The following EFNA5 variants were observed in gnomAD, a reference collection of about 807,000 sequenced individuals.
The protein encoded by EFNA5 is ephrin A5.
Under a neutral mutation model 22.9 loss-of-function variants are expected in EFNA5, and 5 were observed. The observed-to-expected ratio is 0.22, with a 90% confidence interval of 0.11 to 0.46. The LOEUF (loss-of-function observed/expected upper bound fraction) is 0.46, where lower values mean the gene tolerates loss of function less well. EFNA5 is among the 20% of genes least tolerant of loss of function. The pLI is 0.99. For missense variants in EFNA5, 237 were observed against 293.3 expected (o/e 0.81, Z 1.40); for synonymous variants, 113 against 112.2 (o/e 1.01, Z -0.04).
At chr5:107,386,433 G>T (rs1747626393) in intron 4 of EFNA5, among the ~76,000 whole-genome samples, 1 of 152,134 alleles carries the variant, frequency 6.6e-6, no homozygotes, top group African/African-American at 2.4e-5. Context: ...TAACCGAATG[G>T]ATATTTACAG....
In EFNA5 at chr5:107,379,322, C is replaced by CA. The variant is rs1409166558; in HGVS notation, c.*1932dup. The CA allele has an allele frequency of 6.6e-6, 1 of 152,174 alleles. No individual in the cohort carries two copies. Among genetic ancestry groups the CA allele is most frequent in the African/African-American group, 2.4e-5 (1 of 41,434 alleles). The allele number at this position is 152,174 out of a possible 1,614,324, so 9.4% of individuals were successfully genotyped here. On this transcript the variant is annotated 3_prime_UTR_variant, in exon 5 of 5. Coordinates refer to ENST00000333274, the MANE Select transcript of EFNA5 (RefSeq NM_001962.3). The stretch of plus-strand genomic sequence containing the variant: ...TACGTTTACAGCTGCCTTTCCTTCA[C>CA]ATACTTTTCTAATTCAGAACTACTC...
intron 1 of EFNA5, among the ~76,000 whole-genome samples, chr5:107,605,835 GTAAAGCCCA>G (rs1749701069): frequency 6.6e-6 from 1 of 152,066 alleles, no homozygotes; most frequent in South Asian, 2.1e-4. Context: ...TTCCCTCCTT[GTAAAGCCCA>G]TATGGGGCAC....
intron 1 of EFNA5, among the ~76,000 whole-genome samples, chr5:107,559,977 G>T (rs1022230777): frequency 3.3e-5 from 5 of 152,146 alleles, no homozygotes; most frequent in Non-Finnish European, 7.4e-5. Flanking sequence ...AAAGGAACAG[G>T]CTGGCTGTGG....
intron 1 of EFNA5, among the ~76,000 whole-genome samples, chr5:107,552,140 C>A (rs1748313553): frequency 6.6e-6 from 1 of 152,036 alleles, no homozygotes; most frequent in Admixed American, 6.6e-5. Flanking sequence ...TTACTGTGGC[C>A]CACAACACTG....
chr5:107,636,251 GA>G (rs1296728188), intron 1 of EFNA5, among the ~76,000 whole-genome samples: 3 of 151,460 alleles, frequency 2.0e-5, no homozygotes, highest in Middle Eastern at 3.4e-3. Context: ...TGTTAAATGA[GA>G]AAAAAAAAGT....
chr5:107,638,011 T>G (rs979151175), intron 1 of EFNA5, among the ~76,000 whole-genome samples: 1 of 107,870 alleles, frequency 9.3e-6, no homozygotes, highest in African/African-American at 2.7e-5. Context: ...CACGCCTGGC[T>G]AATTTTTTGT....
intron 1 of EFNA5, among the ~76,000 whole-genome samples, chr5:107,510,383 C>T (rs1375315279): frequency 6.6e-6 from 1 of 152,178 alleles, no homozygotes; most frequent in Non-Finnish European, 1.5e-5. Flanking sequence ...CTCTGTTTAG[C>T]CTATAATCAA....
chr5:107,502,849 C>A (rs1209588154), intron 1 of EFNA5, among the ~76,000 whole-genome samples: 1 of 152,114 alleles, frequency 6.6e-6, no homozygotes, highest in Non-Finnish European at 1.5e-5. Context: ...GGTGCATCTG[C>A]TTACTAATAG....
At chr5:107,509,286 G>A (rs1199578309) in intron 1 of EFNA5, among the ~76,000 whole-genome samples, 1 of 151,646 alleles carries the variant, frequency 6.6e-6, no homozygotes, top group Non-Finnish European at 1.5e-5. Context: ...ACACAAAAGA[G>A]CAAAAGTGAG....
chr5:107,500,747 G>A (rs923725436), intron 1 of EFNA5, among the ~76,000 whole-genome samples: 3 of 152,016 alleles, frequency 2.0e-5, no homozygotes, highest in Non-Finnish European at 4.4e-5. Flanking sequence ...GCAGGCATCT[G>A]AGCATATATT....
chr5:107,439,773 A>C (rs992428873), intron 1 of EFNA5, among the ~76,000 whole-genome samples: 3 of 152,248 alleles, frequency 2.0e-5, no homozygotes, highest in African/African-American at 7.2e-5. Context: ...TGTTTTAGCA[A>C]AGGCTTTTGC....
At chr5:107,385,375 G>A (rs890105822) in intron 4 of EFNA5, among the ~76,000 whole-genome samples, 3 of 152,152 alleles carry the variant, frequency 2.0e-5, no homozygotes, top group South Asian at 4.1e-4. Context: ...CTATAGACAG[G>A]CAGTGGAGAT....
chr5:107,382,421 G>A (rs906741306), intron 4 of EFNA5, among the ~76,000 whole-genome samples: 1 of 152,030 alleles, frequency 6.6e-6, no homozygotes, highest in East Asian at 1.9e-4. Flanking sequence ...TGCTCAGGCT[G>A]GAGTACAGTG....
chr5:107,424,674 G>C (rs1235098117), intron 2 of EFNA5, among the ~76,000 whole-genome samples: 2 of 152,144 alleles, frequency 1.3e-5, no homozygotes, highest in African/African-American at 4.8e-5. Context: ...TAGTAAGTGT[G>C]AAAATAGCTA....
chr5:107,635,947 A>C (rs1750364895), intron 1 of EFNA5, among the ~76,000 whole-genome samples: 1 of 152,226 alleles, frequency 6.6e-6, no homozygotes, highest in Non-Finnish European at 1.5e-5. Flanking sequence ...TGGGTTGAAA[A>C]TATTATTAAA....
At chr5:107,427,876 T>C (rs953409040) in intron 1 of EFNA5, among the ~76,000 whole-genome samples, 2 of 152,172 alleles carry the variant, frequency 1.3e-5, no homozygotes, top group African/African-American at 4.8e-5. Context: ...AAACAAAGTT[T>C]TTATATTTTT....
At chr5:107,568,877 G>C (rs73198657) in intron 1 of EFNA5, among the ~76,000 whole-genome samples, 1 of 151,678 alleles carries the variant, frequency 6.6e-6, no homozygotes, top group Non-Finnish European at 1.5e-5. Flanking sequence ...AATCCTTCTC[G>C]GTCTTCAGAT....
chr5:107,426,993 G>C (rs1424830038), intron 2 of EFNA5: 1 of 530,494 alleles, frequency 1.9e-6, no homozygotes, highest in African/African-American at 1.9e-5. Flanking sequence ...GTGGTTCAGT[G>C]AACAGGCTGA....
intron 1 of EFNA5, among the ~76,000 whole-genome samples, chr5:107,642,548 C>T (rs548405395): frequency 1.5e-4 from 23 of 151,040 alleles, no homozygotes; most frequent in African/African-American, 4.9e-4. Flanking sequence ...TTCCCTGGAA[C>T]GCAAGTGAGT....
Sources: allele counts gnomAD v4.1 joint callset (sites outside exome capture counted in the v4.1 genomes callset), GRCh38; gene constraint gnomAD v4.1.1; transcripts MANE v1.5; gene names NCBI Gene and HGNC (gene_info 2026-07-23, HGNC 2026-07-21).